PNCK: variants seen among roughly 807,000 people sequenced by gnomAD.
PNCK encodes the protein calcium/calmodulin-dependent protein kinase type 1B.
In PNCK, 21 loss-of-function variants were observed where a neutral mutation model predicts 28.3. The ratio of observed to expected loss-of-function variants is 0.74; its 90% CI spans 0.53 to 1.07. The LOEUF (loss-of-function observed/expected upper bound fraction) is 1.07. Ranked by LOEUF, PNCK falls within the 50% of genes least tolerant of loss-of-function variation. PNCK has a pLI of 0.00. For synonymous variants in PNCK, 136 were observed against 125.2 expected (o/e 1.09, Z -0.58); for missense variants, 250 against 298.3 (o/e 0.84, Z 1.19).
At chrX:153,677,433 T>G (rs1175425118), upstream of PNCK, among the ~76,000 whole-genome samples, 3 of 110,004 alleles carry the variant, frequency 2.7e-5, no homozygotes, top group African/African-American at 1.0e-4. Context: ...GAGACGAAGA[T>G]CTGGGCGCTA....
upstream of PNCK, among the ~76,000 whole-genome samples, chrX:153,677,521 T>C (rs193010368): frequency 9.3e-6 from 1 of 107,071 alleles, no homozygotes; most frequent in African/African-American, 3.4e-5. Context: ...TGTGTGTGTG[T>C]ATATACATAT....
intron 1 of PNCK, among the ~76,000 whole-genome samples, chrX:153,680,498 A>G (rs1356332900): frequency 1.8e-5 from 2 of 110,024 alleles, no homozygotes; most frequent in East Asian, 5.6e-4. Context: ...TATAGTCTCC[A>G]GAACCATGAG....
At position 153,672,161 on chromosome X, in the gene PNCK, G is replaced by A. The variant is rs142357600; in HGVS notation, c.240C>T (p.His80=). The A allele has an allele frequency of 8.6e-5, 104 of 1,205,859 alleles. No individual in the cohort carries two copies. The highest frequency in any genetic ancestry group is 2.4e-4 in the African/African-American group (14 of 57,160). ...CCAGGTAGAGGTGGGAAGGGCTCTC[G>A]TGGACATCCTCCAGAGCGACGATGT... The part of the protein sequence containing the change: ...HPNIVALEDV[H]ESPSHLYLAM... Residue 80 remains histidine, a synonymous_variant, in exon 4 of 12, where the codon CAC becomes CAT. Coordinates refer to ENST00000340888, the MANE Select transcript of PNCK (RefSeq NM_001366977.1).
chrX:153,670,334 C>T, intron 11 of PNCK, 116 bp downstream of exon 11: 3 of 1,040,502 alleles, frequency 2.9e-6, no homozygotes, highest in South Asian at 4.3e-5. Flanking sequence ...TCTCTGCCTT[C>T]AGTCCTCTGG....
intron 1 of PNCK, 117 bp from the exon 2 acceptor site, chrX:153,673,195 C>T (rs375070726): frequency 8.5e-7 from 1 of 1,180,775 alleles, no homozygotes; most frequent in African/African-American, 1.8e-5. Context: ...CGCGCTCGAC[C>T]CTCCCCTCCC....
intron 1 of PNCK, among the ~76,000 whole-genome samples, chrX:153,682,240 C>T (rs1229917754): frequency 2.7e-5 from 3 of 110,625 alleles, no homozygotes; most frequent in East Asian, 5.7e-4. Context: ...CTGCCTGCCT[C>T]GGCCTCACAA....
Position 153,671,133 on chromosome X carries a change from G to T in PNCK, c.672C>A (p.Ile224=), listed in dbSNP as rs1439005196. Residue 224 remains isoleucine, a synonymous_variant, in exon 8 of 12, where the codon ATC becomes ATA. Transcript: ENST00000340888. ...DESDPELFSQ[I]LRASYEFDSP... is the part of the protein sequence containing the mutation. ...AGTCAAACTCATAGCTGGCCCTCAG[G>T]ATCTGGCTGAAGAGCTCAGGGTCGC... 8.3e-7 allele frequency: 1 copy of T among 1,210,356 alleles called. No individual in the cohort carries two copies. The highest frequency in any genetic ancestry group is 3.0e-5 in the East Asian group (1 of 33,765).
At chrX:153,672,459 G>A in intron 3 of PNCK, 107 bp downstream of exon 3, 1 of 1,064,646 alleles carries the variant, frequency 9.4e-7, no homozygotes, top group Non-Finnish European at 1.3e-6. Context: ...AGAGAGCACT[G>A]CCCCAGGCCT....
At chrX:153,677,605 GTA>G (rs782809766), upstream of PNCK, among the ~76,000 whole-genome samples, 616 of 96,348 alleles carry the variant, frequency 6.4e-3, 11 homozygotes, top group African/African-American at 0.024. Context: ...TATATAGTGT[GTA>G]TATATATAGT....
intron 1 of PNCK, among the ~76,000 whole-genome samples, chrX:153,680,630 G>T (rs574450146): frequency 1.8e-5 from 2 of 110,013 alleles, no homozygotes; most frequent in East Asian, 5.7e-4. Flanking sequence ...GGGAGGCTGA[G>T]GCAGGAGAAT....
intron 1 of PNCK, among the ~76,000 whole-genome samples, chrX:153,682,349 C>A (rs1044365436): frequency 8.9e-6 from 1 of 111,851 alleles, no homozygotes; most frequent in East Asian, 2.8e-4. Flanking sequence ...GGTACAATCA[C>A]GGCTCACGGC....
At position 153,670,504 on chromosome X, in the gene PNCK, G is replaced by A. The variant is rs782441624; in HGVS notation, c.985C>T (p.Arg329Cys). ...GCACGGAGGCCTGAGTGGCTGTGGC[G>A]GGCCATGCCCTGCTCAGAGGCCCCC... Reference protein sequence around the residue: ...GEGASEQGMARHSHSGLRAGQ... With the variant: ...GEGASEQGMACHSHSGLRAGQ... The change falls in exon 11 of 12, where the codon CGC (arginine) becomes TGC (cysteine). Residue 329 changes from arginine (R) to cysteine (C), a missense_variant. By Grantham distance (180) the Arg-to-Cys change is radical (BLOSUM62 -3). Transcript: ENST00000340888. 9.9e-6 allele frequency: 12 copies of A among 1,208,831 alleles called. No homozygotes were observed. In the Admixed American group the frequency reaches 1.3e-4, roughly 13 times the overall value.
At chrX:153,675,987 CTTTTTTTT>C (rs59527995), upstream of PNCK, among the ~76,000 whole-genome samples, 1 of 79,975 alleles carries the variant, frequency 1.3e-5, no homozygotes, top group Non-Finnish European at 2.5e-5. Context: ...TTTTTCTTTT[CTTTTTTTT>C]TTTTTTTTTT....
At chrX:153,680,527 C>CT (rs2091390498) in intron 1 of PNCK, among the ~76,000 whole-genome samples, 1 of 107,985 alleles carries the variant, frequency 9.3e-6, no homozygotes, top group Non-Finnish European at 1.9e-5. Context: ...AGCCACTTTT[C>CT]TTTATAAATT....
intron 1 of PNCK, chrX:153,687,335 C>T (rs1435076047): frequency 6.3e-6 from 2 of 316,402 alleles, no homozygotes; most frequent in African/African-American, 5.4e-5. Flanking sequence ...GGTCATTTAC[C>T]CGGGCCCCTT....
upstream of PNCK, among the ~76,000 whole-genome samples, chrX:153,677,960 GCCCATATAATA>G (rs1423672462): frequency 9.3e-6 from 1 of 107,254 alleles, no homozygotes; most frequent in Non-Finnish European, 1.9e-5. Context: ...AGATATACAA[GCCCATATAATA>G]CCCATTTAAT....
chrX:153,670,173 G>T, intron 11 of PNCK, 43 bp from the exon 12 acceptor site: 1 of 401,170 alleles, frequency 2.5e-6, no homozygotes. Context: ...TCAGGAGCCG[G>T]CCTGCCAGCC....
At chrX:153,687,490 G>A in exon 1 of PNCK, 1 of 327,668 alleles carries the variant, frequency 3.1e-6, no homozygotes, top group Non-Finnish European at 5.9e-6. Flanking sequence ...AGCCCCCAGT[G>A]GGCAGCGGTG....
intron 1 of PNCK, among the ~76,000 whole-genome samples, chrX:153,682,613 AAAG>A (rs1405168717): frequency 8.9e-6 from 1 of 112,081 alleles, no homozygotes; most frequent in South Asian, 3.7e-4. Flanking sequence ...AAGATCCACA[AAAG>A]AAGTGAAAAT....
Sources: gnomAD v4.1 joint callset for allele counts (sites outside exome capture counted in the v4.1 genomes callset) on GRCh38, gnomAD v4.1.1 for gene constraint, MANE v1.5 for transcripts, NCBI Gene and HGNC (gene_info 2026-07-23, HGNC 2026-07-21) for gene names.